The following PCDH9 variants were observed in gnomAD, a reference collection of about 807,000 sequenced individuals.
PCDH9 encodes protocadherin 9, also known as protocadherin-9.
PCDH9 carries 24 observed loss-of-function variants against 70.6 expected under a neutral mutation model. That is an observed-to-expected ratio of 0.34 (90% CI 0.25 to 0.48). PCDH9 has a LOEUF of 0.48. PCDH9 is among the 20% of genes least tolerant of loss of function. PCDH9 has a pLI of 0.99. For synonymous variants in PCDH9, 562 were observed against 558.5 expected (o/e 1.01, Z -0.09); for missense variants, 1,281 against 1,503.6 (o/e 0.85, Z 2.45).
chr13:66,480,895 G>T (rs1958822753), intron 4 of PCDH9, among the ~76,000 whole-genome samples: 1 of 152,098 alleles, frequency 6.6e-6, no homozygotes, highest in Admixed American at 6.5e-5. Flanking sequence ...CAATAGCAAA[G>T]ACTTGAAACC....
intron 2 of PCDH9, among the ~76,000 whole-genome samples, chr13:67,180,253 T>C (rs1228324018): frequency 6.6e-6 from 1 of 152,202 alleles, no homozygotes; most frequent in Non-Finnish European, 1.5e-5. Context: ...AATGAAAGAA[T>C]AGACTGGCTG....
intron 2 of PCDH9, among the ~76,000 whole-genome samples, chr13:67,120,469 C>G (rs1008385723): frequency 6.6e-6 from 1 of 152,088 alleles, no homozygotes; most frequent in Admixed American, 6.6e-5. Context: ...CTTTGCTTTA[C>G]CTACCCAGCC....
chr13:66,580,402 A>C (rs1358975682), intron 4 of PCDH9, among the ~76,000 whole-genome samples: 2 of 152,154 alleles, frequency 1.3e-5, no homozygotes, highest in East Asian at 3.9e-4. Flanking sequence ...GGAAATTGCC[A>C]ATAAATGCTT....
intron 4 of PCDH9, among the ~76,000 whole-genome samples, chr13:66,510,367 AT>A (rs996067791): frequency 4.0e-5 from 6 of 151,586 alleles, no homozygotes; most frequent in African/African-American, 7.3e-5. Context: ...ATATATACAT[AT>A]TTTTTATTAT....
chr13:66,830,470 A>G (rs943516219), intron 3 of PCDH9, among the ~76,000 whole-genome samples: 2 of 152,224 alleles, frequency 1.3e-5, no homozygotes, highest in Non-Finnish European at 2.9e-5. Context: ...ATATAATGGA[A>G]ACTAAAGATG....
chr13:66,617,941 G>A (rs2077377789), intron 4 of PCDH9, among the ~76,000 whole-genome samples: 1 of 152,166 alleles, frequency 6.6e-6, no homozygotes, highest in African/African-American at 2.4e-5. Flanking sequence ...TTTAGAGGGA[G>A]GAAGGAGACA....
intron 4 of PCDH9, among the ~76,000 whole-genome samples, chr13:66,550,647 C>G (rs1042168503): frequency 2.0e-5 from 3 of 152,026 alleles, no homozygotes; most frequent in Admixed American, 1.3e-4. Context: ...AGCACAGAGC[C>G]CCATATCAGT....
At chr13:66,885,403 G>A (rs2081989577) in intron 3 of PCDH9, among the ~76,000 whole-genome samples, 1 of 152,102 alleles carries the variant, frequency 6.6e-6, no homozygotes, top group South Asian at 2.1e-4. Context: ...TGTAGCAGTA[G>A]ATAAGCAATA....
chr13:66,484,166 G>A (rs140745950), intron 4 of PCDH9, among the ~76,000 whole-genome samples: 4 of 152,192 alleles, frequency 2.6e-5, no homozygotes, highest in Middle Eastern at 3.4e-3. Flanking sequence ...ATACCAAGGC[G>A]AGAAACCCCG....
chr13:66,338,764 C>T (rs1956078399), intron 4 of PCDH9, among the ~76,000 whole-genome samples: 1 of 151,844 alleles, frequency 6.6e-6, no homozygotes, highest in Non-Finnish European at 1.5e-5. Context: ...TTGTTCAATT[C>T]TAATTTAATT....
At chr13:66,656,195 T>C (rs1262110482) in intron 3 of PCDH9, among the ~76,000 whole-genome samples, 1 of 151,810 alleles carries the variant, frequency 6.6e-6, no homozygotes, top group Non-Finnish European at 1.5e-5. Context: ...GCTGAGCCTG[T>C]TACTGAACAA....
At chr13:66,739,784 G>T (rs1259078937) in intron 3 of PCDH9, among the ~76,000 whole-genome samples, 1 of 141,324 alleles carries the variant, frequency 7.1e-6, no homozygotes, top group Non-Finnish European at 1.5e-5. Context: ...TCAACAAGAG[G>T]AGCTAACTAT....
chr13:67,197,710 C>A (rs899769385), intron 2 of PCDH9, among the ~76,000 whole-genome samples: 9 of 151,818 alleles, frequency 5.9e-5, no homozygotes, highest in African/African-American at 2.2e-4. Flanking sequence ...ATATTTAAAG[C>A]AGCAAATATA....
At chr13:66,360,848 C>T (rs1956459450) in intron 4 of PCDH9, among the ~76,000 whole-genome samples, 1 of 152,052 alleles carries the variant, frequency 6.6e-6, no homozygotes, top group African/African-American at 2.4e-5. Flanking sequence ...GAGCAACTCA[C>T]AGGAACTGAA....
intron 2 of PCDH9, among the ~76,000 whole-genome samples, chr13:67,078,892 C>A (rs2085930011): frequency 6.6e-6 from 1 of 152,072 alleles, no homozygotes; most frequent in South Asian, 2.1e-4. Context: ...TGAAATAAAT[C>A]AGAAAGCAAT....
At chr13:66,735,201 T>C (rs969944427) in intron 3 of PCDH9, among the ~76,000 whole-genome samples, 6 of 152,204 alleles carry the variant, frequency 3.9e-5, no homozygotes, top group Non-Finnish European at 7.3e-5. Context: ...AATCTCCACA[T>C]ATTCCACTAC....
intron 2 of PCDH9, among the ~76,000 whole-genome samples, chr13:67,173,552 G>A (rs2088358003): frequency 6.6e-6 from 1 of 151,964 alleles, no homozygotes; most frequent in Non-Finnish European, 1.5e-5. Context: ...AATTCACTTA[G>A]GCTACCTGCT....
intron 4 of PCDH9, among the ~76,000 whole-genome samples, chr13:66,377,669 G>GAA (rs1266594773): frequency 1.3e-5 from 2 of 152,120 alleles, no homozygotes; most frequent in Non-Finnish European, 2.9e-5. Flanking sequence ...TTCTTCTGAA[G>GAA]AAAAAAGCAG....
At chr13:67,147,338 T>C (rs778149279) in intron 2 of PCDH9, among the ~76,000 whole-genome samples, 1 of 152,158 alleles carries the variant, frequency 6.6e-6, no homozygotes, top group Non-Finnish European at 1.5e-5. Context: ...GTATTTTTAA[T>C]AGCAGAGGTG....
Sources: allele counts gnomAD v4.1 joint callset (sites outside exome capture counted in the v4.1 genomes callset), GRCh38; gene constraint gnomAD v4.1.1; transcripts MANE v1.5; gene names NCBI Gene and HGNC (gene_info 2026-07-23, HGNC 2026-07-21).